Variants in MDGA2 observed in about 807,000 individuals in gnomAD.
MDGA2 encodes the protein MAM domain containing glycosylphosphatidylinositol anchor 2, also known as MAM domain-containing glycosylphosphatidylinositol anchor protein 2.
Under a neutral mutation model 117.8 loss-of-function variants are expected in MDGA2, and 40 were observed. That is an observed-to-expected ratio of 0.34 (90% CI 0.26 to 0.44). MDGA2 has a LOEUF of 0.44. MDGA2 is among the 20% of genes least tolerant of loss of function. The probability of loss-of-function intolerance (pLI) is 1.00; values close to 1 mark genes in which losing one functional copy is unlikely to be tolerated. For missense variants in MDGA2, 1,123 were observed against 1,250.6 expected, an observed-to-expected ratio of 0.90 and a Z score of 1.54; for synonymous variants, 452 against 439.0, an observed-to-expected ratio of 1.03 and a Z score of -0.37.
chr14:47,567,039 A>G (rs1448557552), intron 1 of MDGA2, among the ~76,000 whole-genome samples: 1 of 151,832 alleles, frequency 6.6e-6, no homozygotes, highest in Non-Finnish European at 1.5e-5. Flanking sequence ...TGAGTAAATC[A>G]GACTACAGGC....
chr14:47,167,430 T>C (rs966237460), intron 3 of MDGA2, among the ~76,000 whole-genome samples: 1 of 152,116 alleles, frequency 6.6e-6, no homozygotes, highest in Non-Finnish European at 1.5e-5. Flanking sequence ...AGCCAGTTGA[T>C]TGTGAAAAAC....
At chr14:47,387,456 TC>T (rs1280964115) in intron 1 of MDGA2, among the ~76,000 whole-genome samples, 2 of 152,156 alleles carry the variant, frequency 1.3e-5, no homozygotes, top group African/African-American at 4.8e-5. Context: ...TTTCTCTCTG[TC>T]CTCACTGTCT....
At chr14:47,370,245 CA>C (rs370316423) in intron 1 of MDGA2, among the ~76,000 whole-genome samples, 93 of 150,442 alleles carry the variant, frequency 6.2e-4, no homozygotes, top group African/African-American at 2.2e-3. Flanking sequence ...ATTTGCATTC[CA>C]GGGGAAGAGA....
intron 8 of MDGA2, among the ~76,000 whole-genome samples, chr14:47,000,932 A>G (rs1357132957): frequency 6.6e-6 from 1 of 152,060 alleles, no homozygotes; most frequent in East Asian, 1.9e-4. Context: ...TTTCAATATG[A>G]CACACAAAGA....
chr14:46,900,874 G>C (rs1386196964), intron 10 of MDGA2, among the ~76,000 whole-genome samples: 1 of 152,080 alleles, frequency 6.6e-6, no homozygotes, highest in Admixed American at 6.5e-5. Context: ...ACCAATGTCA[G>C]TTTCTTGGTT....
At chr14:47,645,118 A>T (rs77924351) in intron 1 of MDGA2, among the ~76,000 whole-genome samples, 7,201 of 152,286 alleles carry the variant, frequency 0.047, 249 homozygotes, top group East Asian at 0.086. Context: ...TCTAGAACTT[A>T]AGATAACATA....
At chr14:47,383,324 A>C (rs539944472) in intron 1 of MDGA2, among the ~76,000 whole-genome samples, 1 of 152,082 alleles carries the variant, frequency 6.6e-6, no homozygotes, top group Non-Finnish European at 1.5e-5. Context: ...GTGCACATGT[A>C]CCCTAGAACT....
At chr14:47,465,795 G>A (rs1893591381) in intron 1 of MDGA2, among the ~76,000 whole-genome samples, 1 of 152,140 alleles carries the variant, frequency 6.6e-6, no homozygotes, top group Non-Finnish European at 1.5e-5. Context: ...GCTAAAAGCA[G>A]CATTATCATT....
intron 5 of MDGA2, among the ~76,000 whole-genome samples, chr14:47,106,641 C>T (rs1181978176): frequency 1.3e-5 from 2 of 152,102 alleles, no homozygotes; most frequent in African/African-American, 2.4e-5. Flanking sequence ...ATCTTCTCGG[C>T]TTAGCAGCTG....
chr14:46,987,804 T>C lies in MDGA2; in HGVS notation c.1820-30161A>G, dbSNP rs376734454. On this transcript the variant is annotated intron_variant, in intron 8 of 16. Transcript: ENST00000399232. ...TAACCTGGATTAAGTTAATTCAAAA[T>C]ATAATAATATAAAACTGTTAAGGGC... 6.8e-4 allele frequency among the ~76,000 whole-genome samples: 103 copies of C among 151,592 alleles called. 1 individual carries two copies. The South Asian group carries it at 0.015, about 21-fold the overall frequency.
At chr14:46,968,792 G>A (rs575756049) in intron 8 of MDGA2, among the ~76,000 whole-genome samples, 17 of 150,070 alleles carry the variant, frequency 1.1e-4, no homozygotes, top group African/African-American at 3.4e-4. Context: ...AGCTGAGATC[G>A]TGCCACTGCA....
Position 47,110,451 on chromosome 14 carries a change from A to G in MDGA2, c.926-13328T>C, listed in dbSNP as rs79864604. 2.0e-4 allele frequency among the ~76,000 whole-genome samples: 30 copies of G among 152,258 alleles called. No individual in the cohort carries two copies. The East Asian group carries it at 5.4e-3, about 27-fold the overall frequency. ...ACCATCTGGTGTTGATTTCATAGCT[A>G]TAGTTTTTACTTTTTCATTTTGTAC... On this transcript the variant is annotated intron_variant, in intron 5 of 16. Coordinates refer to ENST00000399232, the MANE Select transcript of MDGA2 (RefSeq NM_001113498.3).
intron 6 of MDGA2, among the ~76,000 whole-genome samples, chr14:47,085,262 C>G (rs1359558166): frequency 1.3e-5 from 2 of 151,930 alleles, no homozygotes; most frequent in Non-Finnish European, 2.9e-5. Flanking sequence ...AAATAATTAG[C>G]ATTTGAAATA....
intron 5 of MDGA2, among the ~76,000 whole-genome samples, chr14:47,125,384 A>C (rs1039691869): frequency 3.9e-5 from 6 of 152,192 alleles, no homozygotes; most frequent in African/African-American, 1.4e-4. Flanking sequence ...GAAGAGAACT[A>C]TCATGAATAG....
chr14:46,858,933 G>T (rs1881394947), intron 14 of MDGA2, among the ~76,000 whole-genome samples: 1 of 152,032 alleles, frequency 6.6e-6, no homozygotes, highest in Admixed American at 6.6e-5. Context: ...GAAGGCTATT[G>T]GCTCCTGTTA....
chr14:47,341,081 C>G (rs1890607943), intron 1 of MDGA2, among the ~76,000 whole-genome samples: 1 of 152,104 alleles, frequency 6.6e-6, no homozygotes, highest in Admixed American at 6.6e-5. Flanking sequence ...TTGTTGCTTT[C>G]TATATAAGAA....
At chr14:46,936,844 T>A (rs1884799822) in intron 9 of MDGA2, among the ~76,000 whole-genome samples, 1 of 151,820 alleles carries the variant, frequency 6.6e-6, no homozygotes, top group South Asian at 2.1e-4. Flanking sequence ...TCATACTGAA[T>A]GAAGAAAAGC....
intron 8 of MDGA2, among the ~76,000 whole-genome samples, chr14:47,031,211 AATAT>A (rs71448159): frequency 1.5e-5 from 2 of 136,124 alleles, no homozygotes; most frequent in African/African-American, 2.8e-5. Context: ...ATTATTTAGA[AATAT>A]ATATATATAT....
intron 3 of MDGA2, among the ~76,000 whole-genome samples, chr14:47,198,240 T>G (rs1468721207): frequency 2.6e-5 from 4 of 152,194 alleles, no homozygotes; most frequent in African/African-American, 9.7e-5. Context: ...TCTTTACTTC[T>G]TAAACTTTGG....
Sources: allele counts gnomAD v4.1 joint callset (sites outside exome capture counted in the v4.1 genomes callset), GRCh38; gene constraint gnomAD v4.1.1; transcripts MANE v1.5; gene names NCBI Gene and HGNC (gene_info 2026-07-23, HGNC 2026-07-21).